The following WDR36 variants were observed in gnomAD, a reference collection of about 807,000 sequenced individuals.
WDR36 encodes the protein WD repeat domain 36.
Under a neutral mutation model 112.7 loss-of-function variants are expected in WDR36, and 63 were observed. The observed-to-expected ratio is 0.56, with a 90% confidence interval of 0.46 to 0.69. The LOEUF is 0.69. WDR36 is among the 30% of genes least tolerant of loss of function. The pLI is 0.00. For missense variants in WDR36, 1,226 were observed against 1,070.3 expected (o/e 1.15, Z -2.03); for synonymous variants, 410 against 362.2 (o/e 1.13, Z -1.50).
chr5:111,096,286 G>A (rs1752978050), intron 2 of WDR36, among the ~76,000 whole-genome samples: 1 of 152,162 alleles, frequency 6.6e-6, no homozygotes. Flanking sequence ...AATGTTTTAG[G>A]AATAGGCATA....
rs755490506 is a variant in WDR36, at chr5:111,098,875, G to T, written c.409+36G>T. On this transcript the variant is annotated intron_variant, in intron 4 of 22. Transcript: ENST00000513710. Reference sequence around the variant, plus strand: ...ACTCATTTATTTGCTTTATCTTAGGGTAGTATGTGTTTAATTAAAATTTAA... The same window carrying T: ...ACTCATTTATTTGCTTTATCTTAGGTTAGTATGTGTTTAATTAAAATTTAA... 3.0e-6 allele frequency: 4 copies of T among 1,354,562 alleles called. No individual in the cohort carries two copies. The Admixed American group carries it at 6.7e-5, about 23-fold the overall frequency. 83.9% of individuals were successfully genotyped at this position (1,354,562 alleles called of 1,614,324 possible). A position where few individuals can be genotyped will look rare whatever the true frequency, so the allele number is the denominator to read the frequency against.
Position 111,092,486 on chromosome 5 carries a change from C to A in WDR36, c.30C>A (p.Ala10=), listed in dbSNP as rs748795817. 3 of 1,614,128 alleles carry A rather than the reference C, an allele frequency of 1.9e-6. No homozygotes were observed. Among genetic ancestry groups the A allele is most frequent in the Non-Finnish European group, 2.5e-6 (3 of 1,180,064 alleles). The stretch of plus-strand genomic sequence containing the variant: ...AACGGGCCTCAGAAAGGCGCACGGC[C>A]AGCGCGCTTTTTGCGGGGTTCCGGG... MERASERRT[A]SALFAGFRAL... is the part of the protein sequence containing the mutation. Residue 10 remains alanine, a synonymous_variant, in exon 1 of 23, where the codon GCC becomes GCA. Coordinates refer to ENST00000513710, the MANE Select transcript of WDR36 (RefSeq NM_139281.3).
chr5:111,102,951 A>G (rs1019681821), intron 6 of WDR36, among the ~76,000 whole-genome samples: 9 of 151,606 alleles, frequency 5.9e-5, no homozygotes, highest in African/African-American at 1.5e-4. Flanking sequence ...TATCTTTTTC[A>G]GTATCCATTG....
In WDR36 at chr5:111,092,484, G is replaced by T. The variant is rs746259627; in HGVS notation, c.28G>T (p.Ala10Ser). ...GGAACGGGCCTCAGAAAGGCGCACG[G>T]CCAGCGCGCTTTTTGCGGGGTTCCG... is the stretch of plus-strand genomic sequence containing the variant. MERASERRTASALFAGFRAL... is the reference protein window; with the variant it reads MERASERRTSSALFAGFRAL... Residue 10 changes from alanine to serine, a missense_variant, in exon 1 of 23, where the codon GCC (alanine) becomes TCC (serine). Transcript: ENST00000513710. The T allele has an allele frequency of 7.4e-6, 12 of 1,614,120 alleles. No individual in the cohort carries two copies. The East Asian group carries it at 2.7e-4, about 36-fold the overall frequency.
chr5:111,096,177 C>G (rs1473828316), intron 2 of WDR36, among the ~76,000 whole-genome samples: 1 of 152,058 alleles, frequency 6.6e-6, no homozygotes, highest in Non-Finnish European at 1.5e-5. Flanking sequence ...GTCAGTGTGA[C>G]CAGGATACTG....
intron 13 of WDR36, among the ~76,000 whole-genome samples, 163 bp from the exon 14 acceptor site, chr5:111,110,621 ATAAT>A (rs1472010492): frequency 6.6e-6 from 1 of 151,576 alleles, no homozygotes; most frequent in African/African-American, 2.4e-5. Context: ...AACAGTATTA[ATAAT>A]TAAGAATCTT....
At position 111,094,076 on chromosome 5, in the gene WDR36, A is replaced by G. The variant is rs74381493; in HGVS notation, c.163-844A>G. Among the ~76,000 whole-genome samples, 1,523 of 152,336 alleles carry G rather than the reference A, an allele frequency of 1.0e-2. 22 individuals are homozygous for G. The highest frequency in any genetic ancestry group is 0.035 in the African/African-American group (1,441 of 41,562). On this transcript the variant is annotated intron_variant, in intron 1 of 22. Transcript: ENST00000513710. ...TGAACCTAAGTCACTAATTGGGTCT[A>G]CAAGTGCTCTATCCCATGACTATGG...
At position 111,125,655 on chromosome 5, in the gene WDR36, G is replaced by C; in HGVS notation, c.2398G>C (p.Glu800Gln). Residue 800 changes from glutamate (E) to glutamine (Q), a missense_variant, in exon 22 of 23, where the codon GAA (glutamate) becomes CAA (glutamine). Glu to Gln is a conservative substitution (Grantham distance 29). Coordinates refer to ENST00000513710, the MANE Select transcript of WDR36 (RefSeq NM_139281.3). ...LLKESGPSGI[E>Q]TELRSLSPDC... ...GAAAGAATCAGGCCCATCAGGAATT[G>C]AAACAGAGCTGCGAAGCTTGTCTCC... 6.2e-7 allele frequency: 1 copy of C among 1,613,840 alleles called. No individual in the cohort carries two copies. The highest frequency in any genetic ancestry group is 1.1e-5 in the South Asian group (1 of 91,064).
At chr5:111,110,517 A>C (rs1411919319) in intron 13 of WDR36, among the ~76,000 whole-genome samples, 1 of 151,570 alleles carries the variant, frequency 6.6e-6, no homozygotes, top group Non-Finnish European at 1.5e-5. Flanking sequence ...GATATTATAC[A>C]GATTAATTTT....
intron 4 of WDR36, among the ~76,000 whole-genome samples, chr5:111,099,441 GT>G (rs1234302447): frequency 1.1e-4 from 11 of 98,240 alleles, no homozygotes; most frequent in Admixed American, 8.4e-4. Context: ...TTGCCTCTTG[GT>G]TTTTTTTTGT....
In WDR36 at chr5:111,100,696, C is replaced by T. The variant is rs759669196; in HGVS notation, c.517C>T (p.Leu173=). ...KILLGSEQGS[L]QLWNVKSNKL... is the part of the protein sequence containing the mutation. ...ACTTCTGGGCAGTGAACAAGGAAGC[C>T]TGCAGTTGTGGAATGTAAAATCCAA... The change falls in exon 5 of 23, where the codon CTG becomes TTG. Residue 173 remains leucine (L), a synonymous_variant. Coordinates refer to ENST00000513710, the MANE Select transcript of WDR36 (RefSeq NM_139281.3). The T allele has an allele frequency of 1.7e-5, 28 of 1,608,938 alleles. No individual in the cohort carries two copies. The highest frequency in any genetic ancestry group is 2.4e-5 in the Non-Finnish European group (28 of 1,176,742).
Position 111,102,033 on chromosome 5 carries a change from G to A in WDR36, c.543-312G>A, listed in dbSNP as rs1171723507. Reference sequence around the variant, plus strand: ...TTCCCTTTCATGATGTTTCTATAAAGATACTGCAGTCCTAAATTTTTTTTA... The same window carrying A: ...TTCCCTTTCATGATGTTTCTATAAAAATACTGCAGTCCTAAATTTTTTTTA... On this transcript the variant is annotated intron_variant, in intron 5 of 22. Coordinates refer to ENST00000513710, the MANE Select transcript of WDR36 (RefSeq NM_139281.3). 4.0e-5 allele frequency among the ~76,000 whole-genome samples: 6 copies of A among 151,372 alleles called. No individual in the cohort carries two copies. The East Asian group carries it at 1.2e-3, about 29-fold the overall frequency.
rs751462040 is a variant in WDR36, at chr5:111,126,832, C to T, written c.2637C>T (p.Leu879=). 1.2e-6 allele frequency: 2 copies of T among 1,613,064 alleles called. No individual in the cohort carries two copies. The highest frequency in any genetic ancestry group is 1.3e-5 in the African/African-American group (1 of 74,876). ...VEENWTHLQS[L]FNQSMCILNY... is the part of the protein sequence containing the mutation. ...AAAACTGGACCCATTTGCAATCACTCTTCAATCAAAGCATGTGTATTTTAA... is the reference window on the plus strand; with the variant it reads ...AAAACTGGACCCATTTGCAATCACTTTTCAATCAAAGCATGTGTATTTTAA... Residue 879 remains leucine, a synonymous_variant, in exon 23 of 23, where the codon CTC becomes CTT. Transcript: ENST00000513710.
chr5:111,097,403 T>C (rs903389688), intron 3 of WDR36, among the ~76,000 whole-genome samples: 3 of 152,230 alleles, frequency 2.0e-5, no homozygotes, highest in African/African-American at 7.2e-5. Flanking sequence ...AATATCAAAA[T>C]TACTTGGAGA....
intron 19 of WDR36, 59 bp from the exon 20 acceptor site, chr5:111,123,746 A>G: frequency 6.3e-7 from 1 of 1,592,668 alleles, no homozygotes; most frequent in Non-Finnish European, 8.6e-7. Flanking sequence ...TTGAAATTAA[A>G]TATGAGAAAC....
At chr5:111,110,047 G>A (rs1191614535) in intron 12 of WDR36, 142 bp from the exon 13 acceptor site, 3 of 661,070 alleles carry the variant, frequency 4.5e-6, no homozygotes, top group Non-Finnish European at 8.1e-6. Context: ...ATTACTTTAT[G>A]TTAAAAAAAC....
chr5:111,118,720 A>G (rs755525378), intron 16 of WDR36, among the ~76,000 whole-genome samples: 1 of 152,198 alleles, frequency 6.6e-6, no homozygotes, highest in Non-Finnish European at 1.5e-5. Flanking sequence ...AAAATTTAGT[A>G]TTCGAGAAAA....
At chr5:111,104,549 C>G in intron 8 of WDR36, 148 bp from the exon 9 acceptor site, 1 of 1,386,782 alleles carries the variant, frequency 7.2e-7, no homozygotes, top group Non-Finnish European at 1.0e-6. Context: ...TTATTTCTCC[C>G]CCAATACCCA....
intron 16 of WDR36, among the ~76,000 whole-genome samples, chr5:111,115,894 C>T (rs540073468): frequency 6.6e-6 from 1 of 152,032 alleles, no homozygotes; most frequent in East Asian, 1.9e-4. Flanking sequence ...CTACCACCAC[C>T]TTTTATGTCT....
Sources: gnomAD v4.1 joint callset for allele counts (sites outside exome capture counted in the v4.1 genomes callset) on GRCh38, gnomAD v4.1.1 for gene constraint, MANE v1.5 for transcripts, NCBI Gene and HGNC (gene_info 2026-07-23, HGNC 2026-07-21) for gene names.